The following EPHB2 variants were observed in gnomAD, a reference collection of about 807,000 sequenced individuals.
EPHB2 encodes ephrin type-B receptor 2.
Under a neutral mutation model 96.4 loss-of-function variants are expected in EPHB2, and 18 were observed. The ratio of observed to expected loss-of-function variants is 0.19; its 90% CI spans 0.13 to 0.28. The LOEUF is 0.28. Ranked by LOEUF, EPHB2 falls within the 10% of genes least tolerant of loss-of-function variation. The probability of loss-of-function intolerance (pLI) is 1.00; values close to 1 mark genes in which losing one functional copy is unlikely to be tolerated. For missense variants in EPHB2, 989 were observed against 1,355.4 expected, an observed-to-expected ratio of 0.73 and a Z score of 4.25; for synonymous variants, 506 against 534.1, an observed-to-expected ratio of 0.95 and a Z score of 0.72.
chr1:22,799,315 T>A (rs1644809761), intron 3 of EPHB2, among the ~76,000 whole-genome samples: 1 of 152,018 alleles, frequency 6.6e-6, no homozygotes, highest in Admixed American at 6.6e-5. Context: ...CTCCCACCAC[T>A]CCAGACACCC....
chr1:22,731,036 A>C (rs1321516826), intron 1 of EPHB2, among the ~76,000 whole-genome samples: 2 of 152,138 alleles, frequency 1.3e-5, no homozygotes, highest in Non-Finnish European at 2.9e-5. Flanking sequence ...TGGGGGATCC[A>C]GAGGGGGCGG....
rs759247139 is a variant in EPHB2 at position 22,875,823 on chromosome 1, G to A, written c.1304-6536G>A. On this transcript the variant is annotated intron_variant, in intron 5 of 15. Transcript: ENST00000374630. The surrounding 1 kb of genome is among the most constrained non-coding windows in gnomAD (Gnocchi z 4.2). ...GAGTATGAGAAGGGGCTACTGGAGG[G>A]GAGAGGTAGTTCAGGAGGGCATCTC... Among the ~76,000 whole-genome samples, 31 of 152,138 alleles carry A rather than the reference G, an allele frequency of 2.0e-4. No homozygotes were observed. Among genetic ancestry groups the A allele is most frequent in the Non-Finnish European group, 3.1e-4 (21 of 68,020 alleles).
chr1:22,754,808 AGGCAGGGGAAGGGAGG>A (rs1644117888), intron 1 of EPHB2, among the ~76,000 whole-genome samples: 2 of 876 alleles, frequency 2.3e-3, no homozygotes, highest in East Asian at 0.02. Flanking sequence ...GGGAGGTGAG[AGGCAGGGGAAGGGAGG>A]TGAGGGGCAG....
intron 1 of EPHB2, among the ~76,000 whole-genome samples, chr1:22,717,962 G>A (rs1443902134): frequency 1.3e-5 from 2 of 152,182 alleles, no homozygotes; most frequent in Non-Finnish European, 2.9e-5. Context: ...AGATGGTTGT[G>A]AGCAATGGAT....
At chr1:22,810,728 C>T (rs1644991305) in intron 3 of EPHB2, among the ~76,000 whole-genome samples, 1 of 152,206 alleles carries the variant, frequency 6.6e-6, no homozygotes, top group Non-Finnish European at 1.5e-5. Context: ...CTTCCAGTCT[C>T]TCTGCCTTCC....
intron 9 of EPHB2, among the ~76,000 whole-genome samples, chr1:22,905,597 GC>G (rs1393699785): frequency 6.6e-6 from 1 of 151,982 alleles, no homozygotes; most frequent in Non-Finnish European, 1.5e-5. Flanking sequence ...CTTCCTTTTT[GC>G]CCCCTTCTTC....
intron 3 of EPHB2, chr1:22,836,986 G>A (rs2148492981): frequency 6.6e-6 from 1 of 152,514 alleles, no homozygotes; most frequent in Middle Eastern, 3.4e-3. Context: ...CAGGAGGTGG[G>A]AAGAGGGCCT....
At chr1:22,778,947 G>C (rs535825875) in intron 1 of EPHB2, among the ~76,000 whole-genome samples, 1 of 152,174 alleles carries the variant, frequency 6.6e-6, no homozygotes, top group African/African-American at 2.4e-5. Flanking sequence ...TTGGCCTCTG[G>C]GTCAGCCCAG....
At chr1:22,777,022 T>G (rs890648829) in intron 1 of EPHB2, among the ~76,000 whole-genome samples, 1 of 152,182 alleles carries the variant, frequency 6.6e-6, no homozygotes, top group Non-Finnish European at 1.5e-5. Context: ...TGCCGGGATA[T>G]CTCGAAGCAC....
chr1:22,849,902 G>A (rs925964601), intron 3 of EPHB2, among the ~76,000 whole-genome samples: 1 of 152,354 alleles, frequency 6.6e-6, no homozygotes, highest in Middle Eastern at 3.4e-3. Flanking sequence ...CCCTGGGCCC[G>A]GGTAAAGGGG....
chr1:22,841,911 T>C (rs968701711), intron 3 of EPHB2, among the ~76,000 whole-genome samples: 5 of 152,082 alleles, frequency 3.3e-5, no homozygotes, highest in African/African-American at 1.2e-4. Context: ...ATCCCTGGCC[T>C]CTCTCAGCAT....
rs906162472 is a variant in EPHB2 at position 22,858,198 on chromosome 1, T to C, written c.812-4839T>C. On this transcript the variant is annotated intron_variant, in intron 3 of 15. Coordinates refer to ENST00000374630, the MANE Select transcript of EPHB2 (RefSeq NM_017449.5). This position sits in a 1 kb window ranked among gnomAD's most constrained non-coding sequence, Gnocchi z 7.7. The stretch of plus-strand genomic sequence containing the variant: ...GGCCTGGAGGTGAGAGCGCATTCGA[T>C]GACCACAGGCAGGAGCGCAGTGAGT... Among the ~76,000 whole-genome samples the C allele has an allele frequency of 6.6e-6, 1 of 151,580 alleles. No homozygotes were observed. The highest frequency in any genetic ancestry group is 2.4e-5 in the African/African-American group (1 of 41,376).
At chr1:22,813,983 G>A (rs924153741) in intron 3 of EPHB2, among the ~76,000 whole-genome samples, 1 of 152,030 alleles carries the variant, frequency 6.6e-6, no homozygotes, top group Non-Finnish European at 1.5e-5. Context: ...AAGACCAGCC[G>A]GCCAACATGG....
chr1:22,809,790 C>A (rs1218420253), intron 3 of EPHB2, among the ~76,000 whole-genome samples: 1 of 152,192 alleles, frequency 6.6e-6, no homozygotes, highest in Non-Finnish European at 1.5e-5. Context: ...CAAGAGAAAA[C>A]CCAGTGTGTG....
chr1:22,844,007 A>G (rs1274730709), intron 3 of EPHB2, among the ~76,000 whole-genome samples: 3 of 152,194 alleles, frequency 2.0e-5, no homozygotes, highest in Non-Finnish European at 2.9e-5. Flanking sequence ...GTAGTATTCC[A>G]TGGTGTATAT....
intron 3 of EPHB2, among the ~76,000 whole-genome samples, chr1:22,862,268 G>A (rs1638287149): frequency 6.6e-6 from 1 of 152,260 alleles, no homozygotes; most frequent in African/African-American, 2.4e-5. Context: ...AGGGCCGAGT[G>A]CAAGCAGTGC....
chr1:22,895,413 C>T, intron 7 of EPHB2, 59 bp from the exon 8 acceptor site: 2 of 1,528,518 alleles, frequency 1.3e-6, no homozygotes, highest in Non-Finnish European at 1.8e-6. Flanking sequence ...GGGTAGGGGA[C>T]AAGGGTATTA....
chr1:22,894,576 A>C (rs868175478), intron 7 of EPHB2, among the ~76,000 whole-genome samples: 1 of 151,722 alleles, frequency 6.6e-6, no homozygotes, highest in Non-Finnish European at 1.5e-5. Flanking sequence ...CAGCCTAGTG[A>C]CAAGAGTGAA....
chr1:22,892,699 T>A, intron 6 of EPHB2, 185 bp from the exon 7 acceptor site: 1 of 799,388 alleles, frequency 1.3e-6, no homozygotes, highest in Non-Finnish European at 2.2e-6. Context: ...CCTACCTTTG[T>A]GGGCAGTGTT....
Sources: allele counts gnomAD v4.1 joint callset (sites outside exome capture counted in the v4.1 genomes callset), GRCh38; gene constraint gnomAD v4.1.1; non-coding constraint Gnocchi (gnomAD v3.1); transcripts MANE v1.5; gene names NCBI Gene and HGNC (gene_info 2026-07-23, HGNC 2026-07-21).